The following SMYD3 variants were observed in gnomAD, a reference collection of about 807,000 sequenced individuals.
SMYD3 encodes SET and MYND domain containing 3, also known as histone-lysine N-methyltransferase SMYD3.
A neutral mutation model predicts 57.7 loss-of-function variants in SMYD3; 36 were observed. The ratio of observed to expected loss-of-function variants is 0.62; its 90% CI spans 0.48 to 0.82. The LOEUF is 0.82. Among genes scored for constraint, SMYD3 ranks in the 40% least tolerant of loss-of-function variants. SMYD3 has a pLI of 0.00. For synonymous variants in SMYD3, 211 were observed against 195.0 expected, an observed-to-expected ratio of 1.08 and a Z score of -0.68; for missense variants, 515 against 538.8, an observed-to-expected ratio of 0.96 and a Z score of 0.44.
intron 5 of SMYD3, among the ~76,000 whole-genome samples, chr1:245,938,523 C>T (rs1322837344): frequency 6.6e-6 from 1 of 152,184 alleles, no homozygotes; most frequent in Non-Finnish European, 1.5e-5. Flanking sequence ...TTGATCTCTC[C>T]AGGTATGCTC....
At chr1:246,380,591 C>T (rs867909292) in intron 1 of SMYD3, among the ~76,000 whole-genome samples, 1 of 152,290 alleles carries the variant, frequency 6.6e-6, no homozygotes, top group African/African-American at 2.4e-5. Context: ...CATAAATACA[C>T]TAAGAGTCTT....
intron 2 of SMYD3, 62 bp from the exon 3 acceptor site, chr1:246,335,536 T>C (rs1211235545): frequency 1.5e-6 from 2 of 1,299,954 alleles, no homozygotes; most frequent in Non-Finnish European, 2.2e-6. Context: ...TTTATACTGG[T>C]TTTGAACATC....
intron 5 of SMYD3, among the ~76,000 whole-genome samples, chr1:246,164,398 C>T (rs994771215): frequency 2.0e-4 from 30 of 152,002 alleles, no homozygotes; most frequent in African/African-American, 7.0e-4. Flanking sequence ...CCAGCCTGGG[C>T]GACAGAGCGA....
At chr1:246,243,107 T>C (rs1185068592) in intron 5 of SMYD3, among the ~76,000 whole-genome samples, 2 of 152,150 alleles carry the variant, frequency 1.3e-5, no homozygotes, top group Admixed American at 6.5e-5. Flanking sequence ...GTGGACCTAA[T>C]AGACATCTAC....
chr1:246,322,733 A>G (rs1408834849), intron 5 of SMYD3, among the ~76,000 whole-genome samples: 1 of 152,224 alleles, frequency 6.6e-6, no homozygotes, highest in African/African-American at 2.4e-5. Flanking sequence ...TAAAAAAAAC[A>G]AAACTATCCA....
intron 5 of SMYD3, among the ~76,000 whole-genome samples, chr1:245,964,302 G>T (rs2148000870): frequency 6.6e-6 from 1 of 152,268 alleles, no homozygotes; most frequent in East Asian, 1.9e-4. Context: ...CTCCAACACT[G>T]GGGGTCATAT....
At chr1:246,316,267 G>C (rs944786991) in intron 5 of SMYD3, among the ~76,000 whole-genome samples, 10 of 151,724 alleles carry the variant, frequency 6.6e-5, no homozygotes, top group African/African-American at 2.4e-4. Flanking sequence ...CATGTCTGTA[G>C]TCTCAGCTAC....
chr1:246,244,356 A>G (rs948417027), intron 5 of SMYD3, among the ~76,000 whole-genome samples: 6 of 152,096 alleles, frequency 3.9e-5, no homozygotes, highest in African/African-American at 1.4e-4. Flanking sequence ...TCAATTCACT[A>G]GAGAGAAGGA....
chr1:246,382,876 C>T (rs536547350), intron 1 of SMYD3, among the ~76,000 whole-genome samples: 1 of 152,266 alleles, frequency 6.6e-6, no homozygotes, highest in South Asian at 2.1e-4. Context: ...GACTCAGGCT[C>T]AAGGCCCACT....
intron 1 of SMYD3, among the ~76,000 whole-genome samples, chr1:246,493,437 A>G (rs530459888): frequency 8.9e-4 from 136 of 152,298 alleles, no homozygotes; most frequent in African/African-American, 3.2e-3. Context: ...AAAAGGCAAA[A>G]CTGAGACTCA....
At chr1:246,179,792 T>A (rs1326980399) in intron 5 of SMYD3, among the ~76,000 whole-genome samples, 1 of 152,190 alleles carries the variant, frequency 6.6e-6, no homozygotes, top group African/African-American at 2.4e-5. Flanking sequence ...GCTTTCTATG[T>A]GTTGATAGCG....
intron 5 of SMYD3, among the ~76,000 whole-genome samples, chr1:245,985,141 G>A (rs1332886682): frequency 3.3e-5 from 5 of 151,798 alleles, no homozygotes; most frequent in African/African-American, 9.7e-5. Context: ...CTCCCTTTTG[G>A]TCTCCCGTCC....
At chr1:245,963,849 T>A (rs1235764114) in intron 5 of SMYD3, among the ~76,000 whole-genome samples, 10 of 151,924 alleles carry the variant, frequency 6.6e-5, no homozygotes, top group Non-Finnish European at 1.0e-4. Flanking sequence ...ACAAACAAAC[T>A]GAGAAGCACT....
At chr1:246,195,026 T>C (rs570665829) in intron 5 of SMYD3, among the ~76,000 whole-genome samples, 13 of 152,344 alleles carry the variant, frequency 8.5e-5, no homozygotes, top group Middle Eastern at 3.4e-3. Context: ...AGAGCTCCAG[T>C]CTTTTACAAA....
intron 5 of SMYD3, among the ~76,000 whole-genome samples, chr1:246,165,567 G>A (rs1006579404): frequency 6.6e-6 from 1 of 152,014 alleles, no homozygotes; most frequent in Non-Finnish European, 1.5e-5. Flanking sequence ...AGAGGTGAAG[G>A]GTTAAAAGTC....
At chr1:245,898,340 C>T (rs1391094803) in intron 8 of SMYD3, among the ~76,000 whole-genome samples, 3 of 151,954 alleles carry the variant, frequency 2.0e-5, no homozygotes, top group African/African-American at 4.8e-5. Flanking sequence ...TGAATGTGTG[C>T]GTGTAAGCTA....
In SMYD3 at chr1:246,498,347, G is replaced by T. The variant is rs185697021; in HGVS notation, c.164+8707C>A. On this transcript the variant is annotated intron_variant, in intron 1 of 11. Coordinates refer to ENST00000490107, the MANE Select transcript of SMYD3 (RefSeq NM_001167740.2). ...AAATTGAGCATTATGGAGCTATAAC[G>T]AATAAGGAAGATCTCCATGAACTGA... Among the ~76,000 whole-genome samples the T allele has an allele frequency of 1.1e-3, 166 of 152,332 alleles. 1 individual carries two copies. Among genetic ancestry groups the T allele is most frequent in the African/African-American group, 2.9e-3 (119 of 41,570 alleles).
intron 11 of SMYD3, among the ~76,000 whole-genome samples, chr1:245,761,082 G>T (rs940583530): frequency 6.6e-6 from 1 of 152,150 alleles, no homozygotes; most frequent in Non-Finnish European, 1.5e-5. Flanking sequence ...GTGCATGTTT[G>T]CTCCTTGGTT....
chr1:246,269,543 C>CTTTTTTTTTTTTTTTTTTTTTTTTTT (rs570972296), intron 5 of SMYD3, among the ~76,000 whole-genome samples: 9 of 135,222 alleles, frequency 6.7e-5, no homozygotes, highest in East Asian at 2.2e-4. Context: ...CTTTTTTTTT[C>CTTTTTTTTTTTTTTTTTTTTTTTTTT]TTTTTTTTTT....
Sources: gnomAD v4.1 joint callset for allele counts (sites outside exome capture counted in the v4.1 genomes callset) on GRCh38, gnomAD v4.1.1 for gene constraint, MANE v1.5 for transcripts, NCBI Gene and HGNC (gene_info 2026-07-23, HGNC 2026-07-21) for gene names.